Variants in PHF2 observed in about 807,000 individuals in gnomAD.
PHF2 encodes the protein PHD finger protein 2.
A neutral mutation model predicts 120.5 loss-of-function variants in PHF2; 27 were observed. The observed-to-expected ratio is 0.22, with a 90% CI of 0.17 to 0.31. The LOEUF is 0.31. Ranked by LOEUF, PHF2 falls within the 10% of genes least tolerant of loss-of-function variation. The probability of loss-of-function intolerance (pLI) is 1.00; values close to 1 mark genes in which losing one functional copy is unlikely to be tolerated. For missense variants in PHF2, 1,024 were observed against 1,434.8 expected (o/e 0.71, Z 4.63); for synonymous variants, 568 against 592.5 (o/e 0.96, Z 0.60).
intron 5 of PHF2, among the ~76,000 whole-genome samples, chr9:93,650,096 G>A (rs1423887836): frequency 1.3e-5 from 2 of 150,310 alleles, no homozygotes; most frequent in South Asian, 2.1e-4. Context: ...TCATAGACAC[G>A]ACACACTAGC....
chr9:93,668,493 C>G (rs1826722868), intron 17 of PHF2, among the ~76,000 whole-genome samples: 1 of 152,058 alleles, frequency 6.6e-6, no homozygotes, highest in African/African-American at 2.4e-5. Context: ...ATGGAGAGGC[C>G]TGGGGGTCCT....
intron 1 of PHF2, among the ~76,000 whole-genome samples, chr9:93,620,521 T>G (rs1825808562): frequency 6.6e-6 from 1 of 152,206 alleles, no homozygotes; most frequent in Non-Finnish European, 1.5e-5. Flanking sequence ...TGGCCCACGA[T>G]GGGCTTCCTG....
chr9:93,633,664 C>T (rs1051356073), intron 2 of PHF2, among the ~76,000 whole-genome samples: 1 of 152,228 alleles, frequency 6.6e-6, no homozygotes, highest in African/African-American at 2.4e-5. Flanking sequence ...ACGTCTCTGG[C>T]CTCAGTTGCT....
chr9:93,619,000 C>G (rs920022068), intron 1 of PHF2, among the ~76,000 whole-genome samples: 1 of 41,236 alleles, frequency 2.4e-5, no homozygotes, highest in Non-Finnish European at 5.2e-5. Context: ...GGGTCTGATC[C>G]TCTTCCAGCT....
At position 93,608,398 on chromosome 9, in the gene PHF2, GT is replaced by G. The variant is rs35097935; in HGVS notation, c.99-21558del. Among the ~76,000 whole-genome samples the G allele has an allele frequency of 8.2e-3, 1,169 of 142,686 alleles. 12 individuals carry two copies. Among genetic ancestry groups the G allele is most frequent in the African/African-American group, 0.026 (998 of 38,890 alleles). 93.6% of individuals were successfully genotyped at this position (142,686 alleles called of 152,430 possible). On this transcript the variant is annotated intron_variant, in intron 1 of 21. Transcript: ENST00000359246. ...TTTGCATGAGAAATATTGATTGGTA[GT>G]TTTTTTTTTTTTTCTTGTAATGTGT...
At position 93,677,543 on chromosome 9, in the gene PHF2, T is replaced by C. The variant is rs1239683712; in HGVS notation, c.3203-45T>C. The C allele has an allele frequency of 6.7e-7, 1 of 1,502,790 alleles. No individual in the cohort carries two copies. Among genetic ancestry groups the C allele is most frequent in the Non-Finnish European group, 9.2e-7 (1 of 1,081,368 alleles). 93.1% of individuals were successfully genotyped at this position (1,502,790 alleles called of 1,614,324 possible). A position where few individuals can be genotyped will look rare whatever the true frequency, so the allele number is the denominator to read the frequency against. On this transcript the variant is annotated intron_variant, in intron 21 of 21. Transcript: ENST00000359246. This position sits in a 1 kb window ranked among gnomAD's most constrained non-coding sequence, Gnocchi z 4.4. ...CACCGGCATGCCACGCCCCTTGCCATCTAGCTTACCTTCCCTTTTTGTGTC... is the reference window on the plus strand; with the variant it reads ...CACCGGCATGCCACGCCCCTTGCCACCTAGCTTACCTTCCCTTTTTGTGTC...
rs565523840 is a variant in PHF2 at position 93,649,662 on chromosome 9, A to G, written c.602+450A>G. On this transcript the variant is annotated intron_variant, in intron 5 of 21. Coordinates refer to ENST00000359246, the MANE Select transcript of PHF2 (RefSeq NM_005392.4). ...CTTACTCATGGACACACCAACACTC[A>G]TGACACCCACTCGTGGACACACTCA... is the stretch of plus-strand genomic sequence containing the variant. Among the ~76,000 whole-genome samples, 67 of 144,222 alleles carry G rather than the reference A, an allele frequency of 4.6e-4. No homozygotes were observed. In the South Asian group the frequency reaches 0.014, roughly 31 times the overall value. The allele number at this position is 144,222 out of a possible 152,430, so 94.6% of individuals were successfully genotyped here.
At position 93,667,230 on chromosome 9, in the gene PHF2, A is replaced by G; in HGVS notation, c.2338A>G (p.Asn780Asp). The change falls in exon 17 of 22, where the codon AAC becomes GAC. Residue 780 changes from asparagine (N) to aspartate (D), a missense_variant. Asn to Asp is a conservative substitution (Grantham distance 23, BLOSUM62 1). This residue lies in a region of PHF2 where 677 missense variants were observed against 857.4 expected (regional missense o/e 0.79). Transcript: ENST00000359246. ...TGAGGAGGTTGGCGCGCTGGAGTACAACCCCAGCAGGTGGGCCCCACCACC... is the reference window on the plus strand; with the variant it reads ...TGAGGAGGTTGGCGCGCTGGAGTACGACCCCAGCAGGTGGGCCCCACCACC... ...ASEEVGALEY[N>D]PSSQPPASPS... The G allele has an allele frequency of 1.9e-6, 3 of 1,610,210 alleles. No homozygotes were observed. Among genetic ancestry groups the G allele is most frequent in the Non-Finnish European group, 2.5e-6 (3 of 1,178,842 alleles).
intron 5 of PHF2, 94 bp from the exon 6 acceptor site, chr9:93,653,085 C>T (rs879746368): frequency 7.4e-5 from 85 of 1,151,104 alleles, no homozygotes; most frequent in Middle Eastern, 2.8e-4. Flanking sequence ...GGTGAGAGAG[C>T]GTGGGACATG....
chr9:93,591,448 ATACCATGTGAGTAGGAC>A (rs1825222372), intron 1 of PHF2, among the ~76,000 whole-genome samples: 10 of 152,216 alleles, frequency 6.6e-5, no homozygotes, highest in Non-Finnish European at 8.8e-5. Context: ...CTGCCTCTGC[ATACCATGTGAGTAGGAC>A]GTGTGGACTG....
chr9:93,618,745 T>G (rs1825767845), intron 1 of PHF2, among the ~76,000 whole-genome samples: 1 of 150,884 alleles, frequency 6.6e-6, no homozygotes, highest in African/African-American at 2.4e-5. Context: ...TGTATGTGTG[T>G]GTGTATGCCT....
At chr9:93,665,008 C>T (rs1390876811) in intron 14 of PHF2, among the ~76,000 whole-genome samples, 1 of 152,202 alleles carries the variant, frequency 6.6e-6, no homozygotes, top group Non-Finnish European at 1.5e-5. Flanking sequence ...GTTGTCCCTG[C>T]TACTATATAG....
intron 10 of PHF2, among the ~76,000 whole-genome samples, 154 bp downstream of exon 10, chr9:93,658,390 G>T (rs1364785663): frequency 6.6e-6 from 1 of 152,166 alleles, no homozygotes. Flanking sequence ...GCTTGGCCCG[G>T]GGTGTGCCTT....
At chr9:93,634,377 A>G (rs1826056533) in intron 2 of PHF2, among the ~76,000 whole-genome samples, 1 of 152,064 alleles carries the variant, frequency 6.6e-6, no homozygotes, top group Admixed American at 6.5e-5. Context: ...TCTGGGCTGA[A>G]CATCTCAGCA....
At chr9:93,633,081 C>T (rs2001609) in intron 2 of PHF2, among the ~76,000 whole-genome samples, 12,353 of 152,246 alleles carry the variant, frequency 0.081, 626 homozygotes, top group Non-Finnish European at 0.11. Flanking sequence ...GAACCTGCCT[C>T]CACCTGTCCT....
intron 3 of PHF2, among the ~76,000 whole-genome samples, chr9:93,639,647 C>G (rs147049179): frequency 6.6e-6 from 1 of 152,264 alleles, no homozygotes; most frequent in Non-Finnish European, 1.5e-5. Flanking sequence ...TCAGGGCCCC[C>G]CTCAGCACTA....
chr9:93,594,348 C>G (rs1012338099), intron 1 of PHF2, among the ~76,000 whole-genome samples: 4 of 152,232 alleles, frequency 2.6e-5, no homozygotes, highest in Non-Finnish European at 4.4e-5. Context: ...CCCAGTCAGC[C>G]CCTCCCCTGC....
At chr9:93,653,405 C>T in intron 6 of PHF2, 40 bp downstream of exon 6, 1 of 1,594,910 alleles carries the variant, frequency 6.3e-7, no homozygotes, top group Non-Finnish European at 8.6e-7. Context: ...CTTGCCATGG[C>T]CATGACCCAT....
chr9:93,670,944 C>A, intron 17 of PHF2: 1 of 949,864 alleles, frequency 1.1e-6, no homozygotes, highest in Non-Finnish European at 1.3e-6. Flanking sequence ...GTGGAGCCTG[C>A]CAGAAGTGGG....
Sources: gnomAD v4.1 joint callset for allele counts (sites outside exome capture counted in the v4.1 genomes callset) on GRCh38, gnomAD v4.1.1 for gene constraint, gnomAD v4.1.1 regional missense constraint, Gnocchi (gnomAD v3.1) non-coding constraint, MANE v1.5 for transcripts, NCBI Gene and HGNC (gene_info 2026-07-23, HGNC 2026-07-21) for gene names.